ZNF665: variants seen among roughly 807,000 people sequenced by gnomAD.
ZNF665 encodes the protein zinc finger protein 665.
A neutral mutation model predicts 7.9 loss-of-function variants in ZNF665; 6 were observed. The observed-to-expected ratio is 0.76, with a 90% confidence interval of 0.42 to 1.50. ZNF665 has a LOEUF of 1.50. ZNF665 is among the 40% of genes most tolerant of loss of function. The pLI is 0.01. For missense variants in ZNF665, 819 were observed against 806.7 expected (o/e 1.02, Z -0.18); for synonymous variants, 242 against 274.5 (o/e 0.88, Z 1.17).
chr19:53,167,640 G>A, intron 3 of ZNF665, among the ~76,000 whole-genome samples: 1 of 150,366 alleles, frequency 6.7e-6, no homozygotes, highest in Non-Finnish European at 1.5e-5. Context: ...TAGAGACGGG[G>A]TTTCACCGTG....
intron 2 of ZNF665, chr19:53,181,251 T>C (rs1039716311): frequency 6.6e-6 from 1 of 151,936 alleles, no homozygotes; most frequent in Non-Finnish European, 1.5e-5. Flanking sequence ...GAGACCCCCA[T>C]CTTTACAAAA....
chr19:53,169,684 T>A (rs868037203), intron 3 of ZNF665, among the ~76,000 whole-genome samples: 62 of 150,310 alleles, frequency 4.1e-4, no homozygotes, highest in African/African-American at 1.3e-3. Context: ...CCCTCCCCCT[T>A]CCCCCCACCC....
intron 1 of ZNF665, among the ~76,000 whole-genome samples, chr19:53,189,846 C>T (rs2090803008): frequency 6.6e-6 from 1 of 152,026 alleles, no homozygotes; most frequent in African/African-American, 2.4e-5. Context: ...TACCCCTAGA[C>T]CACGGTCCGC....
chr19:53,181,374 T>C (rs559870991), intron 2 of ZNF665: 4 of 151,344 alleles, frequency 2.6e-5, no homozygotes, highest in East Asian at 1.9e-4. Flanking sequence ...TGAGCCGAGA[T>C]TGCACCACTG....
intron 3 of ZNF665, 143 bp from the exon 4 acceptor site, chr19:53,166,490 C>T (rs1234074075): frequency 6.7e-6 from 5 of 741,698 alleles, no homozygotes; most frequent in Non-Finnish European, 6.2e-6. Flanking sequence ...TTTTCCAGAA[C>T]ACAAAAGGAA....
chr19:53,180,172 C>A (rs1364604062), intron 2 of ZNF665, among the ~76,000 whole-genome samples: 1 of 152,110 alleles, frequency 6.6e-6, no homozygotes, highest in Non-Finnish European at 1.5e-5. Flanking sequence ...GTGGCTCACA[C>A]CTGTAATCTC....
chr19:53,189,633 G>C (rs931075693), intron 1 of ZNF665, among the ~76,000 whole-genome samples: 1 of 148,442 alleles, frequency 6.7e-6, no homozygotes, highest in Non-Finnish European at 1.5e-5. Flanking sequence ...GATGGAACAT[G>C]AAGGCGGACT....
intron 2 of ZNF665, chr19:53,182,336 A>T (rs769341343): frequency 8.4e-6 from 2 of 238,450 alleles, no homozygotes; most frequent in Non-Finnish European, 1.7e-5. Flanking sequence ...GCGTCACTGC[A>T]CTCCAGCCTA....
chr19:53,165,657 G>A lies in ZNF665; in HGVS notation c.833C>T (p.Thr278Ile). The change falls in exon 4 of 4, where the codon ACT becomes ATT. Residue 278 changes from threonine to isoleucine, a missense_variant. Thr to Ile is a moderately conservative substitution (Grantham distance 89). Transcript: ENST00000396424. ...TCCAGTATGGATGACCTGATGTGTAGTTAGTTTTGAATGTGCTCTAAAGGC... is the reference window on the plus strand; with the variant it reads ...TCCAGTATGGATGACCTGATGTGTAATTAGTTTTGAATGTGCTCTAAAGGC... ...GKAFRAHSKL[T>I]THQVIHTGEK... is the part of the protein sequence containing the mutation. 6.2e-7 allele frequency: 1 copy of A among 1,614,126 alleles called. No individual in the cohort carries two copies.
intron 1 of ZNF665, among the ~76,000 whole-genome samples, chr19:53,189,025 T>C (rs965350979): frequency 2.7e-5 from 4 of 147,062 alleles, no homozygotes; most frequent in Admixed American, 1.4e-4. Context: ...GTTGAAAGAG[T>C]AGATGAGAAA....
At chr19:53,177,349 G>A (rs2090705954) in intron 2 of ZNF665, among the ~76,000 whole-genome samples, 2 of 151,958 alleles carry the variant, frequency 1.3e-5, no homozygotes, top group African/African-American at 4.8e-5. Context: ...TGTAATCCTA[G>A]CACTTTGGGA....
intron 1 of ZNF665, among the ~76,000 whole-genome samples, chr19:53,183,342 G>A (rs2090752612): frequency 6.6e-6 from 1 of 152,186 alleles, no homozygotes; most frequent in Non-Finnish European, 1.5e-5. Context: ...GATCAGCAGT[G>A]CCCTGGTGCT....
chr19:53,191,131 C>G (rs1044153426), intron 1 of ZNF665, among the ~76,000 whole-genome samples: 15 of 152,152 alleles, frequency 9.9e-5, no homozygotes, highest in Admixed American at 2.0e-4. Context: ...CTAGTGGGAT[C>G]TAATGCTAAC....
At chr19:53,189,615 G>A (rs1202041614) in intron 1 of ZNF665, among the ~76,000 whole-genome samples, 1 of 148,224 alleles carries the variant, frequency 6.7e-6, no homozygotes, top group Non-Finnish European at 1.5e-5. Flanking sequence ...GCAGAGCCAG[G>A]TGTACAGGAT....
At chr19:53,183,659 C>T (rs1380895700) in intron 1 of ZNF665, among the ~76,000 whole-genome samples, 5 of 151,836 alleles carry the variant, frequency 3.3e-5, no homozygotes, top group East Asian at 1.9e-4. Context: ...AATGCTGAAG[C>T]GGGGGTCAGG....
intron 1 of ZNF665, chr19:53,190,175 C>T (rs1331803770): frequency 6.6e-6 from 1 of 152,280 alleles, no homozygotes; most frequent in African/African-American, 2.4e-5. Flanking sequence ...CTCGTGTTCT[C>T]TGTCTCTTGC....
intron 2 of ZNF665, among the ~76,000 whole-genome samples, chr19:53,179,331 G>A (rs1319567440): frequency 7.7e-5 from 10 of 130,270 alleles, no homozygotes; most frequent in South Asian, 2.4e-4. Context: ...AGCCGAGATC[G>A]CACCACTGCA....
rs766609376 is a variant in ZNF665, at chr19:53,182,870, G to C, written c.15+14C>G. On this transcript the variant is annotated intron_variant, in intron 2 of 3. Transcript: ENST00000396424. ...GGAAGGAGACAGAACAATCCACCGAGAATATCATCTCACCTGAGGAAGAGC... is the reference window on the plus strand; with the variant it reads ...GGAAGGAGACAGAACAATCCACCGACAATATCATCTCACCTGAGGAAGAGC... 3 of 1,613,114 alleles carry C rather than the reference G, an allele frequency of 1.9e-6. No homozygotes were observed.
rs183076648 is a variant in ZNF665 at position 53,162,713 on chromosome 19, C to A, written c.*1740G>T. The A allele has an allele frequency of 6.6e-6, 1 of 151,416 alleles. No homozygotes were observed. The highest frequency in any genetic ancestry group is 2.4e-5 in the African/African-American group (1 of 41,150). The allele number at this position is 151,416 out of a possible 1,614,324, so 9.4% of individuals were successfully genotyped here. A position where few individuals can be genotyped will look rare whatever the true frequency, so the allele number is the denominator to read the frequency against. On this transcript the variant is annotated 3_prime_UTR_variant, in exon 4 of 4. Transcript: ENST00000396424. ...ACTAAAAATACAAACATTAGCCAGG[C>A]GTGGTGGTGCATGTCTGTAATCCCA...
Sources: gnomAD v4.1 joint callset for allele counts (sites outside exome capture counted in the v4.1 genomes callset) on GRCh38, gnomAD v4.1.1 for gene constraint, MANE v1.5 for transcripts, NCBI Gene and HGNC (gene_info 2026-07-23, HGNC 2026-07-21) for gene names.